Variants in ELAPOR2 observed in about 807,000 individuals in gnomAD.
ELAPOR2 encodes endosome-lysosome associated apoptosis and autophagy regulator family member 2.
ELAPOR2 carries 89 observed loss-of-function variants against 120.7 expected under a neutral mutation model. The observed-to-expected ratio is 0.74, with a 90% CI of 0.62 to 0.88. ELAPOR2 has a LOEUF of 0.88. ELAPOR2 is among the 40% of genes least tolerant of loss of function. The probability of loss-of-function intolerance (pLI) is 0.00; values close to 1 mark genes in which losing one functional copy is unlikely to be tolerated. For missense variants in ELAPOR2, 1,134 were observed against 1,251.6 expected (o/e 0.91, Z 1.42); for synonymous variants, 444 against 444.9 (o/e 1.00, Z 0.03).
chr7:86,932,776 T>A (rs573745119), intron 8 of ELAPOR2, among the ~76,000 whole-genome samples: 14 of 151,936 alleles, frequency 9.2e-5, no homozygotes, highest in Non-Finnish European at 1.8e-4. Flanking sequence ...GTGAGTTAGG[T>A]CTTTTAAAGC....
intron 8 of ELAPOR2, among the ~76,000 whole-genome samples, chr7:86,928,822 T>A (rs1260793876): frequency 3.3e-5 from 5 of 152,032 alleles, no homozygotes; most frequent in Non-Finnish European, 5.9e-5. Context: ...AAATTTCAAA[T>A]GCTCTATAGT....
At chr7:86,982,090 G>A (rs923045372) in intron 1 of ELAPOR2, among the ~76,000 whole-genome samples, 6 of 152,240 alleles carry the variant, frequency 3.9e-5, no homozygotes, top group East Asian at 3.9e-4. Context: ...ACTGCGAGGC[G>A]GCAGCCTGGC....
At chr7:86,972,822 C>T (rs763547464) in intron 1 of ELAPOR2, among the ~76,000 whole-genome samples, 3 of 151,920 alleles carry the variant, frequency 2.0e-5, no homozygotes, top group Non-Finnish European at 4.4e-5. Context: ...TACTCTTTCC[C>T]ACATCATTTC....
intron 1 of ELAPOR2, among the ~76,000 whole-genome samples, chr7:87,044,471 A>G (rs2129016355): frequency 8.1e-6 from 1 of 123,092 alleles, no homozygotes; most frequent in East Asian, 2.3e-4. Flanking sequence ...CAACTATCTG[A>G]TCTTTGACAA....
chr7:87,035,997 C>G (rs1337314204), intron 1 of ELAPOR2, among the ~76,000 whole-genome samples: 9 of 152,148 alleles, frequency 5.9e-5, no homozygotes, highest in Non-Finnish European at 1.3e-4. Context: ...AATAGTAAAA[C>G]AGTAAAAGGA....
At chr7:87,040,115 G>T (rs983393390) in intron 1 of ELAPOR2, among the ~76,000 whole-genome samples, 36 of 152,382 alleles carry the variant, frequency 2.4e-4, no homozygotes, top group Non-Finnish European at 4.0e-4. Context: ...GGCTCGGAGG[G>T]TCCTACGCCC....
chr7:87,030,376 G>A (rs1411960882), intron 1 of ELAPOR2, among the ~76,000 whole-genome samples: 2 of 151,558 alleles, frequency 1.3e-5, no homozygotes, highest in Non-Finnish European at 2.9e-5. Context: ...CTAAAAGAAT[G>A]CTTATCTTGT....
intron 1 of ELAPOR2, among the ~76,000 whole-genome samples, chr7:87,043,533 C>G (rs1794851526): frequency 1.3e-5 from 2 of 150,460 alleles, no homozygotes; most frequent in Non-Finnish European, 3.0e-5. Flanking sequence ...TCAATAGATG[C>G]AGAAAAAGCC....
chr7:87,018,272 C>T (rs1408634314), intron 1 of ELAPOR2, among the ~76,000 whole-genome samples: 2 of 151,972 alleles, frequency 1.3e-5, no homozygotes, highest in Non-Finnish European at 2.9e-5. Context: ...AACTCCTGAC[C>T]TCGTGATCTA....
intron 1 of ELAPOR2, among the ~76,000 whole-genome samples, chr7:87,047,880 GT>G (rs1409288778): frequency 1.3e-5 from 2 of 152,226 alleles, no homozygotes; most frequent in Admixed American, 6.5e-5. Context: ...TGTGACGTTT[GT>G]TGCACAACTG....
chr7:87,043,189 G>A (rs1371034608), intron 1 of ELAPOR2, among the ~76,000 whole-genome samples: 1 of 151,616 alleles, frequency 6.6e-6, no homozygotes, highest in Admixed American at 6.6e-5. Flanking sequence ...GGTACAAGGA[G>A]GAACTGGTAC....
intron 11 of ELAPOR2, 149 bp from the exon 12 acceptor site, chr7:86,918,693 T>C (rs1003070840): frequency 9.9e-6 from 6 of 605,068 alleles, no homozygotes; most frequent in Non-Finnish European, 1.8e-5. Flanking sequence ...CTTCCTCACT[T>C]AATCATACCT....
rs747297072 is a variant in ELAPOR2 at position 86,909,980 on chromosome 7, T to C, written c.2191A>G (p.Thr731Ala). Residue 731 changes from threonine to alanine, a missense_variant, in exon 16 of 22, where the codon ACC (threonine) becomes GCC (alanine). Thr to Ala is a moderately conservative substitution (Grantham distance 58, BLOSUM62 0). Coordinates refer to ENST00000450689, the MANE Select transcript of ELAPOR2 (RefSeq NM_001142749.3). ...GHEGKKMALC[T>A]NNITDFTVKE... ...ACTGTAAAGTCTGTTATATTGTTGG[T>C]ACAGAGAGCCATCTTCTTCCCCTAG... 1.9e-6 allele frequency: 3 copies of C among 1,609,172 alleles called. No homozygotes were observed. Among genetic ancestry groups the C allele is most frequent in the Middle Eastern group, 1.7e-4 (1 of 6,038 alleles).
At chr7:86,962,602 T>C (rs1187367815) in intron 2 of ELAPOR2, among the ~76,000 whole-genome samples, 1 of 152,198 alleles carries the variant, frequency 6.6e-6, no homozygotes, top group African/African-American at 2.4e-5. Flanking sequence ...TGTCTGTCTT[T>C]GAATCCTAGA....
At position 86,926,882 on chromosome 7, in the gene ELAPOR2, A is replaced by AT. The variant is rs1461848451; in HGVS notation, c.1123dup (p.Ile375AsnfsTer11). ...AGCATCTGTGAGATCCTCCCGGCAGATTTTGGGCTCTATCCACTTGTACAT... is the reference window on the plus strand; with the variant it reads ...AGCATCTGTGAGATCCTCCCGGCAGATTTTTGGGCTCTATCCACTTGTACAT... On this transcript the variant is annotated frameshift_variant, in exon 9 of 22. Transcript: ENST00000450689. LOFTEE classifies it high-confidence loss of function. 1 of 1,324,066 alleles carries AT rather than the reference A, an allele frequency of 7.6e-7. No individual in the cohort carries two copies. Among genetic ancestry groups the AT allele is most frequent in the East Asian group, 2.9e-5 (1 of 34,514 alleles). The allele number at this position is 1,324,066 out of a possible 1,614,324, so 82.0% of individuals were successfully genotyped here. A position where few individuals can be genotyped will look rare whatever the true frequency, so the allele number is the denominator to read the frequency against.
chr7:86,886,719 C>T (rs1039624113), intron 21 of ELAPOR2, among the ~76,000 whole-genome samples: 5 of 152,126 alleles, frequency 3.3e-5, no homozygotes, highest in African/African-American at 1.2e-4. Context: ...GGTCTTGCCC[C>T]AGTGGCATGT....
At chr7:86,908,150 T>TAC (rs144805388) in intron 17 of ELAPOR2, among the ~76,000 whole-genome samples, 28,250 of 144,196 alleles carry the variant, frequency 0.2, 2,709 homozygotes, top group Non-Finnish European at 0.23. Context: ...TGTAAGTGAA[T>TAC]ACACACACAC....
At chr7:86,988,340 A>G (rs1487368162) in intron 1 of ELAPOR2, among the ~76,000 whole-genome samples, 3 of 151,846 alleles carry the variant, frequency 2.0e-5, no homozygotes, top group African/African-American at 2.4e-5. Context: ...AACTTAAAGT[A>G]TAAAAAATAT....
intron 1 of ELAPOR2, among the ~76,000 whole-genome samples, chr7:87,032,547 G>T (rs1469924115): frequency 6.6e-6 from 1 of 152,142 alleles, no homozygotes; most frequent in Non-Finnish European, 1.5e-5. Context: ...TCTGGTTTAA[G>T]ATGACATCAG....
Sources: allele counts gnomAD v4.1 joint callset (sites outside exome capture counted in the v4.1 genomes callset), GRCh38; gene constraint gnomAD v4.1.1; transcripts MANE v1.5; gene names NCBI Gene and HGNC (gene_info 2026-07-23, HGNC 2026-07-21).